Variants in SLC22A15 observed in about 807,000 individuals in gnomAD.
The protein encoded by SLC22A15 is flipt 1.
A neutral mutation model predicts 62.7 loss-of-function variants in SLC22A15; 45 were observed. The ratio of observed to expected loss-of-function variants is 0.72; its 90% CI spans 0.56 to 0.92. SLC22A15 has a LOEUF of 0.92. SLC22A15 is among the 40% of genes least tolerant of loss of function. The pLI is 0.00. For missense variants in SLC22A15, 622 were observed against 665.6 expected, an observed-to-expected ratio of 0.93 and a Z score of 0.72; for synonymous variants, 264 against 267.0, an observed-to-expected ratio of 0.99 and a Z score of 0.11.
At chr1:116,056,409 TACAA>T (rs1431768948) in intron 8 of SLC22A15, among the ~76,000 whole-genome samples, 1 of 148,304 alleles carries the variant, frequency 6.7e-6, no homozygotes, top group Non-Finnish European at 1.5e-5. Flanking sequence ...TAAAAGAGGA[TACAA>T]ACAAATGGAA....
intron 2 of SLC22A15, among the ~76,000 whole-genome samples, chr1:116,010,427 T>C (rs1656192871): frequency 6.6e-6 from 1 of 152,208 alleles, no homozygotes; most frequent in South Asian, 2.1e-4. Context: ...TTTTAATGTC[T>C]TGCTTCCTTA....
chr1:116,036,759 A>G (rs979614794), intron 7 of SLC22A15, among the ~76,000 whole-genome samples: 4 of 152,218 alleles, frequency 2.6e-5, no homozygotes, highest in African/African-American at 9.6e-5. Flanking sequence ...TTCTTTCAAC[A>G]AAGTATGAAA....
At chr1:116,054,031 C>G (rs1333205096) in intron 8 of SLC22A15, among the ~76,000 whole-genome samples, 1 of 151,766 alleles carries the variant, frequency 6.6e-6, no homozygotes, top group Non-Finnish European at 1.5e-5. Context: ...ATCATAATGA[C>G]AGGATCAAAT....
At chr1:116,014,087 A>G (rs1656410895) in intron 2 of SLC22A15, 1 of 152,198 alleles carries the variant, frequency 6.6e-6, no homozygotes. Flanking sequence ...TCAGCATCTA[A>G]GCAGTAAGAA....
chr1:115,976,783 C>A, intron 1 of SLC22A15, 69 bp downstream of exon 1: 1 of 1,244,368 alleles, frequency 8.0e-7, no homozygotes, highest in Non-Finnish European at 1.1e-6. Flanking sequence ...TAGGCGTCCG[C>A]TCCCAGACCG....
intron 4 of SLC22A15, among the ~76,000 whole-genome samples, chr1:116,021,486 A>G (rs1656835290): frequency 6.6e-6 from 1 of 152,224 alleles, no homozygotes; most frequent in African/African-American, 2.4e-5. Flanking sequence ...AACTGTGTCT[A>G]AGACTTTATA....
chr1:115,984,886 TAAAG>T (rs201412067), intron 1 of SLC22A15, among the ~76,000 whole-genome samples: 2,835 of 152,236 alleles, frequency 0.019, 36 homozygotes, highest in East Asian at 0.026. Flanking sequence ...AATAAGGATA[TAAAG>T]AAAGAAAATA....
chr1:115,996,933 T>C (rs1655457422), intron 2 of SLC22A15, among the ~76,000 whole-genome samples: 1 of 152,046 alleles, frequency 6.6e-6, no homozygotes, highest in South Asian at 2.1e-4. Context: ...AAGGACAGTT[T>C]TTTTTTTTCC....
chr1:116,000,625 C>CTTTTTTTTTTTTTTTTTT (rs56303802), intron 2 of SLC22A15, among the ~76,000 whole-genome samples: 1 of 88,214 alleles, frequency 1.1e-5, no homozygotes, highest in South Asian at 3.9e-4. Context: ...CTTTTTTTTC[C>CTTTTTTTTTTTTTTTTTT]TTTTTTTTTT....
chr1:116,047,533 C>T (rs1657956805), intron 8 of SLC22A15, among the ~76,000 whole-genome samples: 2 of 152,152 alleles, frequency 1.3e-5, no homozygotes, highest in Admixed American at 1.3e-4. Flanking sequence ...GCTGAGAGAC[C>T]CATAGACAGT....
At chr1:116,004,270 C>T (rs916716292) in intron 2 of SLC22A15, among the ~76,000 whole-genome samples, 3 of 152,164 alleles carry the variant, frequency 2.0e-5, no homozygotes, top group African/African-American at 7.2e-5. Context: ...GAGCAAGCCC[C>T]TGGTGTTTTG....
intron 2 of SLC22A15, among the ~76,000 whole-genome samples, chr1:115,992,814 C>T (rs1184623189): frequency 1.3e-5 from 2 of 151,826 alleles, no homozygotes; most frequent in South Asian, 2.1e-4. Context: ...TTAATAGAGA[C>T]GGGATTTCAC....
intron 2 of SLC22A15, among the ~76,000 whole-genome samples, chr1:116,008,569 A>G (rs1331619843): frequency 2.0e-5 from 3 of 152,172 alleles, no homozygotes; most frequent in African/African-American, 7.2e-5. Flanking sequence ...TCTGGGCCCA[A>G]TAATTTAGGC....
rs534251708 is a variant in SLC22A15, at chr1:116,001,818, C to G, written c.300+9575C>G. Among the ~76,000 whole-genome samples the G allele has an allele frequency of 7.2e-5, 11 of 152,210 alleles. No individual in the cohort carries two copies. The South Asian group carries it at 1.7e-3, about 23-fold the overall frequency. ...TGAAAGGTCACATATCTCTGTCACT[C>G]CAGAATTGGTCACTGGTGCCTTATT... On this transcript the variant is annotated intron_variant, in intron 2 of 11. Transcript: ENST00000369503.
intron 5 of SLC22A15, among the ~76,000 whole-genome samples, chr1:116,027,629 G>GT (rs367849858): frequency 0.024 from 3,449 of 145,238 alleles, 60 homozygotes; most frequent in South Asian, 0.039. Context: ...TTCCCCAGAA[G>GT]TTTTTTTTTT....
intron 10 of SLC22A15, among the ~76,000 whole-genome samples, chr1:116,065,767 C>T (rs894426547): frequency 2.0e-5 from 3 of 152,094 alleles, no homozygotes; most frequent in African/African-American, 7.2e-5. Context: ...AATTTGGAAG[C>T]CTAAACCAGA....
chr1:115,985,903 G>A (rs903780003), intron 1 of SLC22A15, among the ~76,000 whole-genome samples: 8 of 138,520 alleles, frequency 5.8e-5, no homozygotes, highest in East Asian at 2.1e-4. Flanking sequence ...CTGAGATCGC[G>A]CCACTGTACT....
At chr1:116,064,361 C>A (rs753066077) in intron 9 of SLC22A15, 75 bp from the exon 10 acceptor site, 1 of 1,035,750 alleles carries the variant, frequency 9.7e-7, no homozygotes, top group Non-Finnish European at 1.5e-6. Context: ...TTATTCAAGG[C>A]CCGCTGCTGC....
At chr1:116,066,278 T>C (rs989040366) in intron 10 of SLC22A15, among the ~76,000 whole-genome samples, 19 of 152,202 alleles carry the variant, frequency 1.2e-4, no homozygotes, top group Admixed American at 8.5e-4. Flanking sequence ...TTGCTGCTTC[T>C]AATGTACAGA....
Sources: allele counts gnomAD v4.1 joint callset (sites outside exome capture counted in the v4.1 genomes callset), GRCh38; gene constraint gnomAD v4.1.1; transcripts MANE v1.5; gene names NCBI Gene and HGNC (gene_info 2026-07-23, HGNC 2026-07-21).